The following FRMPD1 variants were observed in gnomAD, a reference collection of about 807,000 sequenced individuals.
FRMPD1 encodes the protein FERM and PDZ domain containing 1, also known as FERM and PDZ domain-containing protein 1.
Under a neutral mutation model 117.8 loss-of-function variants are expected in FRMPD1, and 76 were observed. That is an observed-to-expected ratio of 0.65 (90% CI 0.54 to 0.78). FRMPD1 has a LOEUF of 0.78. Ranked by LOEUF, FRMPD1 falls within the 30% of genes least tolerant of loss-of-function variation. FRMPD1 has a pLI of 0.00. For synonymous variants in FRMPD1, 783 were observed against 770.4 expected, an observed-to-expected ratio of 1.02 and a Z score of -0.27; for missense variants, 1,786 against 1,964.5, an observed-to-expected ratio of 0.91 and a Z score of 1.72.
intron 1 of FRMPD1, among the ~76,000 whole-genome samples, chr9:37,673,572 G>A (rs1231651671): frequency 6.6e-6 from 1 of 152,208 alleles, no homozygotes; most frequent in East Asian, 1.9e-4. Flanking sequence ...GTGTATGGGG[G>A]CTCCCACCCC....
At chr9:37,644,360 G>C in the FRMPD1 span, among the ~76,000 whole-genome samples, 1 of 152,172 alleles carries the variant, frequency 6.6e-6, no homozygotes, top group Non-Finnish European at 1.5e-5. Context: ...CAGGCTCCTG[G>C]GCCTTTGTCC....
At chr9:37,721,749 G>T (rs1823407919) in intron 6 of FRMPD1, among the ~76,000 whole-genome samples, 5 of 152,280 alleles carry the variant, frequency 3.3e-5, no homozygotes, top group East Asian at 1.9e-4. Flanking sequence ...ATGCTCAATT[G>T]TCTAGGGCAG....
intron 5 of FRMPD1, among the ~76,000 whole-genome samples, chr9:37,713,889 A>G (rs1394462957): frequency 6.6e-6 from 1 of 152,238 alleles, no homozygotes; most frequent in African/African-American, 2.4e-5. Context: ...CGTGGAAGGA[A>G]GCACAGTGGA....
intron 1 of FRMPD1, among the ~76,000 whole-genome samples, chr9:37,654,359 A>G (rs1820777871): frequency 6.6e-6 from 1 of 152,152 alleles, no homozygotes; most frequent in Admixed American, 6.5e-5. Flanking sequence ...TCTTGCCTGG[A>G]GCTGGGTGAG....
At chr9:37,733,044 A>G (rs902261504) in intron 10 of FRMPD1, among the ~76,000 whole-genome samples, 7 of 152,180 alleles carry the variant, frequency 4.6e-5, no homozygotes, top group African/African-American at 9.7e-5. Context: ...CTGTAGTTTT[A>G]GCAATTTTCT....
chr9:37,677,586 C>T (rs937255953), intron 1 of FRMPD1, among the ~76,000 whole-genome samples: 2 of 152,168 alleles, frequency 1.3e-5, no homozygotes, highest in Admixed American at 6.5e-5. Flanking sequence ...GGGAACTTGT[C>T]CAAGGATGCA....
At chr9:37,704,108 A>G (rs979028797) in intron 2 of FRMPD1, among the ~76,000 whole-genome samples, 11 of 152,196 alleles carry the variant, frequency 7.2e-5, no homozygotes, top group East Asian at 1.9e-4. Context: ...TAGAATTTCT[A>G]TTCAGTTTCA....
chr9:37,680,550 C>G (rs1323262898), intron 1 of FRMPD1, among the ~76,000 whole-genome samples: 5 of 152,120 alleles, frequency 3.3e-5, no homozygotes, highest in African/African-American at 9.7e-5. Flanking sequence ...TGGCAAAAGT[C>G]AGGAGGGCAG....
chr9:37,627,231 C>A, the FRMPD1 span, among the ~76,000 whole-genome samples: 2 of 152,212 alleles, frequency 1.3e-5, no homozygotes, highest in Non-Finnish European at 2.9e-5. Flanking sequence ...TCATCTTCCT[C>A]CTTCTTTGTT....
At chr9:37,736,183 C>T (rs1460928085) in intron 13 of FRMPD1, among the ~76,000 whole-genome samples, 2 of 151,514 alleles carry the variant, frequency 1.3e-5, no homozygotes, top group Admixed American at 6.6e-5. Context: ...TGTATTTTTT[C>T]GTAGAGATGG....
intron 15 of FRMPD1, among the ~76,000 whole-genome samples, chr9:37,743,523 T>G (rs1824524829): frequency 3.6e-5 from 1 of 27,686 alleles, no homozygotes; most frequent in South Asian, 1.2e-3. Flanking sequence ...GGCTCTGCTT[T>G]TTTTTTTTTT....
Position 37,675,625 on chromosome 9 carries a change from G to A in FRMPD1, c.-4-17013G>A, listed in dbSNP as rs1450408430. On this transcript the variant is annotated intron_variant, in intron 1 of 15. Coordinates refer to ENST00000377765, the MANE Select transcript of FRMPD1 (RefSeq NM_014907.3). ...AGTGGGGAGAGTAGGGTGTTTAATG[G>A]TGCTCATGATGTAGGTGCCACAGGT... Among the ~76,000 whole-genome samples the A allele has an allele frequency of 2.0e-5, 3 of 152,256 alleles. No individual in the cohort carries two copies. In the East Asian group the frequency reaches 5.8e-4, roughly 29 times the overall value.
In FRMPD1 at chr9:37,744,625, G is replaced by A. The variant is rs1005996980; in HGVS notation, c.2593G>A (p.Asp865Asn). ...VPSASLESVD[D>N]VCYYDREPYL... Reference sequence around the variant, plus strand: ...ATCAGCCTCCCTGGAGAGTGTAGACGACGTGTGCTACTATGACAGGGAGCC... The same window carrying A: ...ATCAGCCTCCCTGGAGAGTGTAGACAACGTGTGCTACTATGACAGGGAGCC... The change falls in exon 16 of 16, where the codon GAC (aspartate) becomes AAC (asparagine). Residue 865 changes from aspartate to asparagine, a missense_variant. By Grantham distance (23) the Asp-to-Asn change is conservative. Coordinates refer to ENST00000377765, the MANE Select transcript of FRMPD1 (RefSeq NM_014907.3). 6.2e-6 allele frequency: 10 copies of A among 1,613,632 alleles called. No homozygotes were observed. In the East Asian group the frequency reaches 6.7e-5, roughly 11 times the overall value.
rs746805945 is a variant in FRMPD1, at chr9:37,744,429, C to T, written c.2397C>T (p.Ser799=). ...CTACTGCAGAACCCAGTGCCACAAGCTTGCAGAATAAGGCCAGCACTTCTA... is the reference window on the plus strand; with the variant it reads ...CTACTGCAGAACCCAGTGCCACAAGTTTGCAGAATAAGGCCAGCACTTCTA... ...DVSTAEPSAT[S]LQNKASTSSP... is the part of the protein sequence containing the mutation. Residue 799 remains serine, a synonymous_variant, in exon 16 of 16, where the codon AGC becomes AGT. Transcript: ENST00000377765. The T allele has an allele frequency of 5.0e-5, 80 of 1,612,308 alleles. 1 individual carries two copies. The highest frequency in any genetic ancestry group is 6.8e-5 in the Non-Finnish European group (80 of 1,179,084).
intron 1 of FRMPD1, among the ~76,000 whole-genome samples, chr9:37,656,910 A>G (rs1820860061): frequency 6.8e-6 from 1 of 146,882 alleles, no homozygotes; most frequent in Non-Finnish European, 1.5e-5. Context: ...ATGTGGCCTT[A>G]ATATTAGTTG....
the FRMPD1 span, among the ~76,000 whole-genome samples, chr9:37,642,346 A>G: frequency 6.6e-6 from 1 of 152,136 alleles, no homozygotes; most frequent in African/African-American, 2.4e-5. Context: ...GCCTTCCCAT[A>G]GGCTGTTCTC....
Position 37,694,960 on chromosome 9 carries a change from G to A in FRMPD1, c.101+2218G>A, listed in dbSNP as rs143381628. Among the ~76,000 whole-genome samples the A allele has an allele frequency of 2.2e-3, 332 of 151,724 alleles. 1 individual carries two copies. The highest frequency in any genetic ancestry group is 7.6e-3 in the African/African-American group (313 of 41,332). On this transcript the variant is annotated intron_variant, in intron 2 of 15. Coordinates refer to ENST00000377765, the MANE Select transcript of FRMPD1 (RefSeq NM_014907.3). The stretch of plus-strand genomic sequence containing the variant: ...GAATATTTTCTTTGTTCATTCATCA[G>A]TTGATTTAACATAAACATTTGGGTT...
the FRMPD1 span, among the ~76,000 whole-genome samples, chr9:37,623,253 A>G: frequency 2.0e-5 from 3 of 152,314 alleles, no homozygotes; most frequent in East Asian, 5.8e-4. Context: ...TACCACCATG[A>G]ACGAGACAGC....
intron 1 of FRMPD1, among the ~76,000 whole-genome samples, chr9:37,688,335 A>T (rs913598081): frequency 5.3e-5 from 8 of 151,790 alleles, no homozygotes; most frequent in Non-Finnish European, 1.5e-5. Flanking sequence ...AATATGGAGG[A>T]TAATTTACTT....
Sources: gnomAD v4.1 joint callset for allele counts (sites outside exome capture counted in the v4.1 genomes callset) on GRCh38, gnomAD v4.1.1 for gene constraint, MANE v1.5 for transcripts, NCBI Gene and HGNC (gene_info 2026-07-23, HGNC 2026-07-21) for gene names.